The following PGBD5 variants were observed in gnomAD, a reference collection of about 807,000 sequenced individuals.
PGBD5 encodes piggyBac transposable element-derived protein 5.
In PGBD5, 14 loss-of-function variants were observed where a neutral mutation model predicts 47.9. The observed-to-expected ratio is 0.29, with a 90% confidence interval of 0.19 to 0.46. The LOEUF (loss-of-function observed/expected upper bound fraction) is 0.46. Ranked by LOEUF, PGBD5 falls within the 20% of genes least tolerant of loss-of-function variation. PGBD5 has a pLI of 1.00. For missense variants in PGBD5, 635 were observed against 716.0 expected, an observed-to-expected ratio of 0.89 and a Z score of 1.29; for synonymous variants, 316 against 306.3, an observed-to-expected ratio of 1.03 and a Z score of -0.33.
In PGBD5 at chr1:230,332,830, G is replaced by A. The variant is rs777224508; in HGVS notation, c.1273+14C>T. The A allele has an allele frequency of 5.6e-6, 9 of 1,613,926 alleles. No individual in the cohort carries two copies. The African/African-American group carries it at 8.0e-5, about 14-fold the overall frequency. On this transcript the variant is annotated intron_variant, in intron 5 of 6. Coordinates refer to ENST00000391860, the MANE Select transcript of PGBD5 (RefSeq NM_001258311.2). ...CCGCGCGCCCCACTGTGTCAATGGCGGACCCGCACTCACCCTGCTGCACCG... is the reference window on the plus strand; with the variant it reads ...CCGCGCGCCCCACTGTGTCAATGGCAGACCCGCACTCACCCTGCTGCACCG...
chr1:230,347,795 C>A (rs376455788), intron 3 of PGBD5, among the ~76,000 whole-genome samples: 2 of 152,282 alleles, frequency 1.3e-5, no homozygotes, highest in East Asian at 1.9e-4. Flanking sequence ...GCTGTGCAGA[C>A]CTAACTGATA....
At chr1:230,408,075 G>GCCCAGTC (rs1389964667) in intron 1 of PGBD5, among the ~76,000 whole-genome samples, 1 of 152,194 alleles carries the variant, frequency 6.6e-6, no homozygotes, top group Non-Finnish European at 1.5e-5. Context: ...AAATTGCCTT[G>GCCCAGTC]CCCAGTCCCC....
chr1:230,359,383 A>G (rs1229866143), intron 1 of PGBD5, among the ~76,000 whole-genome samples: 1 of 152,170 alleles, frequency 6.6e-6, no homozygotes, highest in Non-Finnish European at 1.5e-5. Context: ...ATTGCTAACA[A>G]AAGTTGTTCT....
At chr1:230,406,194 G>A (rs1309724190) in intron 1 of PGBD5, among the ~76,000 whole-genome samples, 2 of 151,578 alleles carry the variant, frequency 1.3e-5, no homozygotes, top group Admixed American at 6.6e-5. Context: ...TGTAGTCCCA[G>A]CTACTCGGGA....
chr1:230,366,415 C>T (rs1316978126), intron 1 of PGBD5, among the ~76,000 whole-genome samples: 1 of 152,084 alleles, frequency 6.6e-6, no homozygotes, highest in Non-Finnish European at 1.5e-5. Context: ...TGCAGTGTCT[C>T]TAGGTTTCAG....
chr1:230,335,138 C>T (rs140176542), intron 4 of PGBD5, among the ~76,000 whole-genome samples: 45 of 139,814 alleles, frequency 3.2e-4, no homozygotes, highest in Non-Finnish European at 5.1e-4. Flanking sequence ...CATACACATA[C>T]ATACACAGGT....
At chr1:230,326,162 A>G (rs1034345935) in intron 5 of PGBD5, among the ~76,000 whole-genome samples, 9 of 152,258 alleles carry the variant, frequency 5.9e-5, no homozygotes, top group Admixed American at 6.5e-5. Flanking sequence ...TCACGCCTGT[A>G]ACCCCAGCAC....
chr1:230,381,378 C>G (rs1656484166), intron 1 of PGBD5, among the ~76,000 whole-genome samples: 1 of 152,232 alleles, frequency 6.6e-6, no homozygotes, highest in Non-Finnish European at 1.5e-5. Flanking sequence ...GCTGCCTGCA[C>G]TCTGGAGCAG....
Position 230,320,507 on chromosome 1 carries a change from G to A in PGBD5, c.*2918C>T, listed in dbSNP as rs538633103. ...CAGCAGAGACATCCCTCAGGGGATCGGCTTGGCTTAGTGGCTGGATCTGAG... is the reference window on the plus strand; with the variant it reads ...CAGCAGAGACATCCCTCAGGGGATCAGCTTGGCTTAGTGGCTGGATCTGAG... On this transcript the variant is annotated 3_prime_UTR_variant, in exon 7 of 7. Coordinates refer to ENST00000391860, the MANE Select transcript of PGBD5 (RefSeq NM_001258311.2). 29 of 152,206 alleles carry A rather than the reference G, an allele frequency of 1.9e-4. No individual in the cohort carries two copies. Among genetic ancestry groups the A allele is most frequent in the African/African-American group, 6.7e-4 (28 of 41,500 alleles). 9.4% of individuals were successfully genotyped at this position (152,206 alleles called of 1,614,324 possible). A position where few individuals can be genotyped will look rare whatever the true frequency, so the allele number is the denominator to read the frequency against.
intron 5 of PGBD5, among the ~76,000 whole-genome samples, chr1:230,327,343 C>T (rs1667135746): frequency 6.6e-6 from 1 of 152,196 alleles, no homozygotes; most frequent in Non-Finnish European, 1.5e-5. Context: ...CCAGCCCCCT[C>T]CCACCCCCAC....
intron 1 of PGBD5, among the ~76,000 whole-genome samples, chr1:230,362,008 T>C: frequency 6.6e-6 from 1 of 152,230 alleles, no homozygotes; most frequent in East Asian, 1.9e-4. Context: ...ACAGAATGCC[T>C]TGAATTTAGT....
Position 230,355,863 on chromosome 1 carries a change from G to A in PGBD5, c.759+1031C>T, listed in dbSNP as rs116416998. On this transcript the variant is annotated intron_variant, in intron 2 of 6. Transcript: ENST00000391860. ...ATGTTCACCAGACAGTGGGGAGAAC[G>A]ATCCAGAGAGAATGTAAGGCTCCCA... 3.7e-3 allele frequency among the ~76,000 whole-genome samples: 569 copies of A among 152,290 alleles called. 3 individuals carry two copies. Among genetic ancestry groups the A allele is most frequent in the African/African-American group, 0.013 (541 of 41,554 alleles).
intron 3 of PGBD5, among the ~76,000 whole-genome samples, chr1:230,348,764 T>G (rs1571834155): frequency 6.6e-6 from 1 of 152,034 alleles, no homozygotes; most frequent in East Asian, 1.9e-4. Context: ...ACAGGCACCT[T>G]CAGTTGGACC....
In PGBD5 at chr1:230,395,015, G is replaced by A. The variant is rs530308395; in HGVS notation, c.331+30583C>T. Among the ~76,000 whole-genome samples the A allele has an allele frequency of 1.7e-4, 14 of 83,096 alleles. No individual in the cohort carries two copies. The South Asian group carries it at 3.3e-3, about 19-fold the overall frequency. 54.5% of individuals were successfully genotyped at this position (83,096 alleles called of 152,430 possible). A position where few individuals can be genotyped will look rare whatever the true frequency, so the allele number is the denominator to read the frequency against. On this transcript the variant is annotated intron_variant, in intron 1 of 6. Transcript: ENST00000391860. ...TCTCCTCCCACTCCTCCCCATCCCCGAGCTCTTCTCACTCCCTCCCTCCTC... is the reference window on the plus strand; with the variant it reads ...TCTCCTCCCACTCCTCCCCATCCCCAAGCTCTTCTCACTCCCTCCCTCCTC...
chr1:230,357,227 T>G lies in PGBD5; in HGVS notation c.426A>C (p.Thr142=). The G allele has an allele frequency of 6.2e-7, 1 of 1,614,108 alleles. No homozygotes were observed. The highest frequency in any genetic ancestry group is 2.2e-5 in the East Asian group (1 of 44,872). The change falls in exon 2 of 7, where the codon ACA becomes ACC. Residue 142 remains threonine (T), a synonymous_variant. Transcript: ENST00000391860. The surrounding 1 kb of genome is among the most constrained non-coding windows in gnomAD (Gnocchi z 5.7). ...CCTGGAACTTCTTGGCATACATGTT[T>G]GTCTGCACCACCATGTTCTTGAGGA... ...DNVLKNMVVQ[T]NMYAKKFQER...
intron 5 of PGBD5, among the ~76,000 whole-genome samples, chr1:230,326,158 C>T (rs748231194): frequency 6.6e-6 from 1 of 152,258 alleles, no homozygotes; most frequent in Non-Finnish European, 1.5e-5. Context: ...TGGCTCACGC[C>T]TGTAACCCCA....
intron 3 of PGBD5, among the ~76,000 whole-genome samples, chr1:230,349,915 A>C (rs185142787): frequency 2.6e-5 from 4 of 152,342 alleles, no homozygotes. Flanking sequence ...CCCCAACTCA[A>C]CCTGAAGGTC....
At position 230,392,917 on chromosome 1, in the gene PGBD5, A is replaced by G. The variant is rs571089799; in HGVS notation, c.331+32681T>C. On this transcript the variant is annotated intron_variant, in intron 1 of 6. Transcript: ENST00000391860. ...AGCAGCAGGAGCAGACAGCTCTCCA[A>G]CCCCAGCTGCAAGAGAAGAGGAACT... Among the ~76,000 whole-genome samples the G allele has an allele frequency of 7.9e-5, 12 of 151,614 alleles. No individual in the cohort carries two copies. The South Asian group carries it at 2.5e-3, about 32-fold the overall frequency.
intron 1 of PGBD5, among the ~76,000 whole-genome samples, chr1:230,361,949 G>A (rs761544658): frequency 3.3e-5 from 5 of 152,214 alleles, no homozygotes; most frequent in Non-Finnish European, 7.3e-5. Context: ...GGGGAGTTGC[G>A]GGGTATTTCC....
Sources: gnomAD v4.1 joint callset for allele counts (sites outside exome capture counted in the v4.1 genomes callset) on GRCh38, gnomAD v4.1.1 for gene constraint, Gnocchi (gnomAD v3.1) non-coding constraint, MANE v1.5 for transcripts, NCBI Gene and HGNC (gene_info 2026-07-23, HGNC 2026-07-21) for gene names.